The following UBE2C variants were observed in gnomAD, a reference collection of about 807,000 sequenced individuals.
The protein encoded by UBE2C is ubiquitin conjugating enzyme E2 C.
Under a neutral mutation model 23.5 loss-of-function variants are expected in UBE2C, and 16 were observed. The observed-to-expected ratio is 0.68, with a 90% confidence interval of 0.46 to 1.03. The LOEUF (loss-of-function observed/expected upper bound fraction) is 1.03, where lower values mean the gene tolerates loss of function less well. Among genes scored for constraint, UBE2C ranks in the 50% least tolerant of loss-of-function variants. UBE2C has a pLI of 0.00. For synonymous variants in UBE2C, 76 were observed against 91.6 expected, an observed-to-expected ratio of 0.83 and a Z score of 0.97; for missense variants, 192 against 227.6, an observed-to-expected ratio of 0.84 and a Z score of 1.01.
intron 3 of UBE2C, among the ~76,000 whole-genome samples, chr20:45,815,059 G>A (rs982554201): frequency 2.0e-5 from 3 of 151,552 alleles, no homozygotes; most frequent in South Asian, 2.1e-4. Flanking sequence ...GGATGGTCTC[G>A]ATCTCCTGAC....
At position 45,814,483 on chromosome 20, in the gene UBE2C, C is replaced by T. The variant is rs1207660105; in HGVS notation, c.216+13C>T. The stretch of plus-strand genomic sequence containing the variant: ...AGCAGCTGGAACAGTAAGTGTAGGG[C>T]TGGGATGGGTGAGTGAGTCTGGGGA... On this transcript the variant is annotated intron_variant, in intron 3 of 5. Coordinates refer to ENST00000356455, the MANE Select transcript of UBE2C (RefSeq NM_007019.4). The T allele has an allele frequency of 6.3e-7, 1 of 1,599,912 alleles. No homozygotes were observed. The highest frequency in any genetic ancestry group is 8.5e-7 in the Non-Finnish European group (1 of 1,171,808).
intron 2 of UBE2C, among the ~76,000 whole-genome samples, chr20:45,813,865 G>T (rs1410132629): frequency 6.6e-6 from 1 of 152,094 alleles, no homozygotes; most frequent in African/African-American, 2.4e-5. Flanking sequence ...AACACTTTGG[G>T]GGGCTAAGGT....
chr20:45,814,146 C>CTCTCTCTCTCTCTCTCTATATA (rs1158772080), intron 2 of UBE2C, among the ~76,000 whole-genome samples: 20 of 133,894 alleles, frequency 1.5e-4, no homozygotes, highest in Admixed American at 1.4e-3. Context: ...CTCTCTCTCT[C>CTCTCTCTCTCTCTCTCTATATA]TATATATATA....
Position 45,815,533 on chromosome 20 carries a change from A to G in UBE2C, c.217-8A>G. 6.2e-7 allele frequency: 1 copy of G among 1,613,990 alleles called. No homozygotes were observed. The highest frequency in any genetic ancestry group is 1.1e-5 in the South Asian group (1 of 91,068). On this transcript the variant is annotated splice_polypyrimidine_tract_variant and splice_region_variant and intron_variant, in intron 3 of 5. Transcript: ENST00000356455. ...AGCTTACTCTGCAACTGTTTCTCCA[A>G]ATGCCAGGTATATGAAGACCTGAGG...
intron 1 of UBE2C, 187 bp downstream of exon 1, chr20:45,812,983 C>T (rs941445832): frequency 1.0e-5 from 15 of 1,431,088 alleles, no homozygotes; most frequent in African/African-American, 5.8e-5. Flanking sequence ...CGGAGACTTC[C>T]GGGACTCCCA....
Position 45,812,751 on chromosome 20 carries a change from G to A in UBE2C, c.56G>A (p.Gly19Glu), listed in dbSNP as rs1337052897. The A allele has an allele frequency of 4.5e-6, 7 of 1,557,798 alleles. No homozygotes were observed. The highest frequency in any genetic ancestry group is 6.1e-6 in the Non-Finnish European group (7 of 1,150,880). The change falls in exon 1 of 6, where the codon GGA (glycine) becomes GAA (glutamate). Residue 19 changes from glycine to glutamate, a missense_variant. By Grantham distance (98) the Gly-to-Glu change is moderately conservative. Coordinates refer to ENST00000356455, the MANE Select transcript of UBE2C (RefSeq NM_007019.4). ...AATSVAAARK[G>E]AEPSGGAARG... ...ACTAGCGTCGCCGCCGCCCGTAAAG[G>A]AGCTGAGCCGAGCGGGGGCGCCGCC...
At chr20:45,814,284 A>G (rs1982264326) in intron 2 of UBE2C, 100 bp from the exon 3 acceptor site, 2 of 103,048 alleles carry the variant, frequency 1.9e-5, no homozygotes, top group South Asian at 3.9e-4. Context: ...ATATATATAT[A>G]TATATATATA....
chr20:45,812,686 C>G lies in UBE2C; in HGVS notation c.-10C>G, dbSNP rs776975259. 12 of 1,550,890 alleles carry G rather than the reference C, an allele frequency of 7.7e-6. No homozygotes were observed. The highest frequency in any genetic ancestry group is 2.7e-5 in the African/African-American group (2 of 73,068). On this transcript the variant is annotated 5_prime_UTR_variant, in exon 1 of 6. Transcript: ENST00000356455. ...CTCCGAGTTCCTGTCTCTCTGCCAA[C>G]GCCGCCCGGATGGCTTCCCAAAACC...
Position 45,815,602 on chromosome 20 carries a change from C to A in UBE2C, c.278C>A (p.Ala93Glu). ...TTCCCCAGTGGCTACCCTTACAATG[C>A]GCCCACAGTGAAGTTCCTCACGCCC... Reference protein sequence around the residue: ...LEFPSGYPYNAPTVKFLTPCY... With the variant: ...LEFPSGYPYNEPTVKFLTPCY... Residue 93 changes from alanine (A) to glutamate (E), a missense_variant, in exon 4 of 6, where the codon GCG becomes GAG. Transcript: ENST00000356455. The A allele has an allele frequency of 1.2e-6, 2 of 1,614,100 alleles. No homozygotes were observed. The highest frequency in any genetic ancestry group is 1.7e-6 in the Non-Finnish European group (2 of 1,180,026).
At position 45,816,892 on chromosome 20, in the gene UBE2C, TTTAAA is replaced by T. The variant is rs1262401255; in HGVS notation, c.*130_*134del. 2 of 824,448 alleles carry T rather than the reference TTTAAA, an allele frequency of 2.4e-6. No individual in the cohort carries two copies. The highest frequency in any genetic ancestry group is 3.7e-6 in the Non-Finnish European group (2 of 539,478). The allele number at this position is 824,448 out of a possible 1,614,324, so 51.1% of individuals were successfully genotyped here. A position where few individuals can be genotyped will look rare whatever the true frequency, so the allele number is the denominator to read the frequency against. ...TGGTATTTTTGTTTTGTTTTTGTCT[TTTAAA>T]TTAAGCCTCGGTTGAGCCCTTGTAT... is the stretch of plus-strand genomic sequence containing the variant. On this transcript the variant is annotated 3_prime_UTR_variant, in exon 6 of 6. Transcript: ENST00000356455.
Position 45,816,746 on chromosome 20 carries a change from G to A in UBE2C, c.519G>A (p.Gln173=). 1 of 1,613,682 alleles carries A rather than the reference G, an allele frequency of 6.2e-7. No homozygotes were observed. Among genetic ancestry groups the A allele is most frequent in the Non-Finnish European group, 8.5e-7 (1 of 1,179,764 alleles). The change falls in exon 6 of 6, where the codon CAG becomes CAA. Residue 173 remains glutamine (Q), a synonymous_variant. Transcript: ENST00000356455. The part of the protein sequence containing the change: ...KKYLQETYSK[Q]VTSQEP ...ACCTGCAAGAAACCTACTCAAAGCAGGTCACCAGCCAGGAGCCCTGACCCA... is the reference window on the plus strand; with the variant it reads ...ACCTGCAAGAAACCTACTCAAAGCAAGTCACCAGCCAGGAGCCCTGACCCA...
chr20:45,816,737 C>T lies in UBE2C; in HGVS notation c.510C>T (p.Tyr170=), dbSNP rs187608783. 3 of 1,613,820 alleles carry T rather than the reference C, an allele frequency of 1.9e-6. No individual in the cohort carries two copies. The highest frequency in any genetic ancestry group is 2.2e-5 in the South Asian group (2 of 91,050). ...TTAAGAAGTACCTGCAAGAAACCTA[C>T]TCAAAGCAGGTCACCAGCCAGGAGC... ...TAFKKYLQET[Y]SKQVTSQEP is the part of the protein sequence containing the mutation. The change falls in exon 6 of 6, where the codon TAC becomes TAT. Residue 170 remains tyrosine (Y), a synonymous_variant. Transcript: ENST00000356455.
In UBE2C at chr20:45,816,944, C is replaced by T. The variant is rs1216263887; in HGVS notation, c.*177C>T. 1 of 534,444 alleles carries T rather than the reference C, an allele frequency of 1.9e-6. No individual in the cohort carries two copies. Among genetic ancestry groups the T allele is most frequent in the Non-Finnish European group, 3.2e-6 (1 of 308,648 alleles). 33.1% of individuals were successfully genotyped at this position (534,444 alleles called of 1,614,324 possible). On this transcript the variant is annotated 3_prime_UTR_variant, in exon 6 of 6. Transcript: ENST00000356455. Reference sequence around the variant, plus strand: ...GTATATTAAATAAATGCATTTTTGTCCTTTTTTAGACAAGTTGTTGCGTTG... The same window carrying T: ...GTATATTAAATAAATGCATTTTTGTTCTTTTTTAGACAAGTTGTTGCGTTG...
At chr20:45,816,247 T>C (rs1982542906) in intron 5 of UBE2C, among the ~76,000 whole-genome samples, 1 of 152,178 alleles carries the variant, frequency 6.6e-6, no homozygotes, top group Non-Finnish European at 1.5e-5. Context: ...GCTGCCTAGA[T>C]GGGCAGTGCA....
chr20:45,813,260 G>A, intron 1 of UBE2C, 177 bp from the exon 2 acceptor site: 1 of 1,504,974 alleles, frequency 6.6e-7, no homozygotes. Flanking sequence ...TAGGGAGGGT[G>A]AGGACTCGCT....
Position 45,816,696 on chromosome 20 carries a change from T to C in UBE2C, c.482-13T>C. ...TCTCCATCACTCACTGAGACCTGCC[T>C]GTTCTCTTCCAGCTTTTAAGAAGTA... On this transcript the variant is annotated splice_polypyrimidine_tract_variant and intron_variant, in intron 5 of 5. Coordinates refer to ENST00000356455, the MANE Select transcript of UBE2C (RefSeq NM_007019.4). 5.0e-6 allele frequency: 8 copies of C among 1,613,122 alleles called. No homozygotes were observed. The highest frequency in any genetic ancestry group is 6.8e-6 in the Non-Finnish European group (8 of 1,179,430).
intron 3 of UBE2C, among the ~76,000 whole-genome samples, chr20:45,815,020 G>A (rs1192740893): frequency 6.6e-6 from 1 of 151,326 alleles, no homozygotes; most frequent in Admixed American, 6.6e-5. Context: ...TGTATTTTTA[G>A]TAGAGACGGG....
intron 1 of UBE2C, chr20:45,813,131 C>T: frequency 7.1e-7 from 1 of 1,400,576 alleles, no homozygotes; most frequent in Non-Finnish European, 9.2e-7. Context: ...TGAAGACGCT[C>T]AAGGACCCTC....
At chr20:45,816,687 A>AG (rs775305257) in intron 5 of UBE2C, 22 bp from the exon 6 acceptor site, 12 of 1,610,278 alleles carry the variant, frequency 7.5e-6, no homozygotes, top group African/African-American at 1.3e-5. Context: ...TCACTCACTG[A>AG]GACCTGCCTG....
Sources: allele counts gnomAD v4.1 joint callset (sites outside exome capture counted in the v4.1 genomes callset), GRCh38; gene constraint gnomAD v4.1.1; transcripts MANE v1.5; gene names NCBI Gene and HGNC (gene_info 2026-07-23, HGNC 2026-07-21).